Variants in TOX observed in about 807,000 individuals in gnomAD.
TOX encodes the protein thymocyte selection associated high mobility group box.
In TOX, 11 loss-of-function variants were observed where a neutral mutation model predicts 53.7. That is an observed-to-expected ratio of 0.20 (90% CI 0.13 to 0.34). TOX has a LOEUF of 0.34. TOX is among the 10% of genes least tolerant of loss of function. The pLI, the probability that TOX is intolerant of heterozygous loss-of-function variation, is 1.00. For synonymous variants in TOX, 225 were observed against 245.3 expected, an observed-to-expected ratio of 0.92 and a Z score of 0.77; for missense variants, 570 against 664.6, an observed-to-expected ratio of 0.86 and a Z score of 1.56.
At chr8:58,924,482 A>C (rs1196467699) in intron 3 of TOX, among the ~76,000 whole-genome samples, 2 of 152,260 alleles carry the variant, frequency 1.3e-5, no homozygotes, top group Non-Finnish European at 2.9e-5. Context: ...TCTTGTGGAC[A>C]TAACCCTAAT....
intron 1 of TOX, among the ~76,000 whole-genome samples, chr8:58,965,481 C>T (rs911293523): frequency 6.6e-6 from 1 of 151,946 alleles, no homozygotes; most frequent in Non-Finnish European, 1.5e-5. Context: ...CAAAAATGGG[C>T]GATATTAGGC....
intron 5 of TOX, among the ~76,000 whole-genome samples, chr8:58,835,131 TAA>T (rs1810524443): frequency 6.6e-6 from 1 of 152,246 alleles, no homozygotes; most frequent in Non-Finnish European, 1.5e-5. Flanking sequence ...ATGATTTATA[TAA>T]GTCAACTATT....
intron 3 of TOX, among the ~76,000 whole-genome samples, chr8:58,863,192 C>G (rs933154576): frequency 1.3e-5 from 2 of 152,116 alleles, no homozygotes; most frequent in African/African-American, 4.8e-5. Context: ...ATATCTTTCA[C>G]ATTTTCAATC....
chr8:58,956,471 T>A (rs946814811), intron 2 of TOX, among the ~76,000 whole-genome samples: 3 of 152,220 alleles, frequency 2.0e-5, no homozygotes, highest in Non-Finnish European at 4.4e-5. Flanking sequence ...TGTTATGATA[T>A]ACATATAGAT....
intron 3 of TOX, among the ~76,000 whole-genome samples, chr8:58,860,784 T>C (rs142387333): frequency 2.0e-5 from 3 of 152,322 alleles, no homozygotes; most frequent in Non-Finnish European, 4.4e-5. Context: ...TGGGTTTTAA[T>C]AGCTCCCTGA....
intron 1 of TOX, among the ~76,000 whole-genome samples, chr8:58,978,340 A>G (rs1174530392): frequency 2.0e-5 from 3 of 152,220 alleles, no homozygotes; most frequent in Admixed American, 6.5e-5. Flanking sequence ...TTGACAGGAA[A>G]AAATCTGCAT....
intron 1 of TOX, among the ~76,000 whole-genome samples, chr8:59,054,904 AAGAAAGAAAG>A (rs1475318267): frequency 7.5e-6 from 1 of 132,758 alleles, no homozygotes; most frequent in Non-Finnish European, 1.7e-5. Context: ...GAAAGGAAAA[AAGAAAGAAAG>A]AGAAAGAAAG....
intron 2 of TOX, among the ~76,000 whole-genome samples, chr8:58,940,170 T>C (rs1812413708): frequency 1.3e-5 from 2 of 152,270 alleles, no homozygotes; most frequent in South Asian, 2.1e-4. Flanking sequence ...ATTACTTTTA[T>C]GATTTCCAAT....
chr8:58,851,616 G>C lies in TOX; in HGVS notation c.601C>G (p.Pro201Ala), dbSNP rs924352871. 2.5e-6 allele frequency: 4 copies of C among 1,613,574 alleles called. No individual in the cohort carries two copies. The East Asian group carries it at 6.7e-5, about 27-fold the overall frequency. The part of the protein sequence containing the change: ...LGLNMGGSNV[P>A]HNSPSPPGSK... The stretch of plus-strand genomic sequence containing the variant: ...CCAGGTGGAGATGGTGAGTTGTGGG[G>C]AACATTGCTTCCTCCCATATTCAAA... Residue 201 changes from proline (P) to alanine (A), a missense_variant, in exon 4 of 9, where the codon CCC (proline) becomes GCC (alanine). Around this residue, in one of 3 missense-constraint regions of TOX, gnomAD observed 282 missense variants for 315.0 expected, o/e 0.90. Transcript: ENST00000361421. The surrounding 1 kb of genome is among the most constrained non-coding windows in gnomAD (Gnocchi z 4.4).
intron 3 of TOX, among the ~76,000 whole-genome samples, chr8:58,907,094 A>C (rs1453255916): frequency 6.6e-6 from 1 of 152,176 alleles, no homozygotes; most frequent in Non-Finnish European, 1.5e-5. Context: ...CAGTCGATTG[A>C]TTTCTCTAAG....
At chr8:58,872,246 A>G (rs1811211142) in intron 3 of TOX, among the ~76,000 whole-genome samples, 1 of 152,142 alleles carries the variant, frequency 6.6e-6, no homozygotes, top group Non-Finnish European at 1.5e-5. Context: ...ATCATAACAC[A>G]AAGTATAAAA....
intron 3 of TOX, among the ~76,000 whole-genome samples, chr8:58,869,221 G>A (rs567482371): frequency 5.3e-5 from 5 of 94,416 alleles, no homozygotes; most frequent in East Asian, 3.1e-4. Flanking sequence ...GCGAGACTGC[G>A]TCTCAAAAAA....
At chr8:59,094,610 G>A (rs536975865) in intron 1 of TOX, among the ~76,000 whole-genome samples, 1 of 151,616 alleles carries the variant, frequency 6.6e-6, no homozygotes, top group African/African-American at 2.4e-5. Context: ...TATAAGTAAT[G>A]ATAATAATTG....
chr8:59,079,552 C>G (rs1001315073), intron 1 of TOX, among the ~76,000 whole-genome samples: 1 of 152,194 alleles, frequency 6.6e-6, no homozygotes, highest in African/African-American at 2.4e-5. Flanking sequence ...AGTCTTGGCA[C>G]CTTTCATGTG....
intron 1 of TOX, among the ~76,000 whole-genome samples, chr8:58,976,385 C>T (rs575628469): frequency 5.9e-5 from 9 of 152,312 alleles, no homozygotes; most frequent in South Asian, 2.1e-4. Flanking sequence ...GCAATTCAGT[C>T]GCATGTTTAG....
At chr8:59,017,963 A>C (rs1182743200) in intron 1 of TOX, among the ~76,000 whole-genome samples, 1 of 152,186 alleles carries the variant, frequency 6.6e-6, no homozygotes, top group Non-Finnish European at 1.5e-5. Context: ...GAGAGTGTAC[A>C]TTCTCCATTA....
intron 1 of TOX, among the ~76,000 whole-genome samples, chr8:59,028,563 A>G (rs1225947665): frequency 6.6e-6 from 1 of 151,944 alleles, no homozygotes; most frequent in Non-Finnish European, 1.5e-5. Flanking sequence ...AGATACATGC[A>G]TACATACATA....
chr8:58,965,914 T>G (rs1023111245), intron 1 of TOX, among the ~76,000 whole-genome samples: 7 of 137,638 alleles, frequency 5.1e-5, no homozygotes, highest in Admixed American at 3.6e-4. Context: ...TTTTTTTTTT[T>G]TTTTTTTTTT....
chr8:59,070,780 T>A (rs1009086692), intron 1 of TOX, among the ~76,000 whole-genome samples: 3 of 152,192 alleles, frequency 2.0e-5, no homozygotes, highest in Non-Finnish European at 4.4e-5. Context: ...TGTTTCAACG[T>A]CATCTTTGGA....
Sources: gnomAD v4.1 joint callset for allele counts (sites outside exome capture counted in the v4.1 genomes callset) on GRCh38, gnomAD v4.1.1 for gene constraint, gnomAD v4.1.1 regional missense constraint, Gnocchi (gnomAD v3.1) non-coding constraint, MANE v1.5 for transcripts, NCBI Gene and HGNC (gene_info 2026-07-23, HGNC 2026-07-21) for gene names.